FKBP8: variants seen among roughly 807,000 people sequenced by gnomAD.
FKBP8 encodes the protein peptidyl-prolyl cis-trans isomerase FKBP8.
FKBP8 carries 5 observed loss-of-function variants against 41.7 expected under a neutral mutation model. That is an observed-to-expected ratio of 0.12 (90% CI 0.06 to 0.25). The LOEUF is 0.25. Ranked by LOEUF, FKBP8 falls within the 10% of genes least tolerant of loss-of-function variation. The pLI is 1.00. For missense variants in FKBP8, 397 were observed against 563.0 expected, an observed-to-expected ratio of 0.71 and a Z score of 2.98; for synonymous variants, 279 against 254.5, an observed-to-expected ratio of 1.10 and a Z score of -0.92.
chr19:18,532,282 G>T, intron 8 of FKBP8, 27 bp from the exon 9 acceptor site: 1 of 1,578,422 alleles, frequency 6.3e-7, no homozygotes, highest in Non-Finnish European at 8.6e-7. Context: ...GGGGAGAGAA[G>T]GGTGGAGGGA....
rs1468829078 is a variant in FKBP8 at position 18,532,264 on chromosome 19, A to C, written c.1156-9T>G. ...CACTTCCATGGGATGGACTGTGGAT[A>C]AAAAGGAGGGGAGAGAAGGGTGGAG... On this transcript the variant is annotated splice_polypyrimidine_tract_variant and intron_variant, in intron 8 of 8. Coordinates refer to ENST00000608443, the MANE Select transcript of FKBP8 (RefSeq NM_012181.5). 2 of 1,597,790 alleles carry C rather than the reference A, an allele frequency of 1.3e-6. No homozygotes were observed. The highest frequency in any genetic ancestry group is 2.7e-5 in the African/African-American group (2 of 74,744).
intron 2 of FKBP8, among the ~76,000 whole-genome samples, chr19:18,540,994 T>C (rs909244924): frequency 3.9e-5 from 6 of 152,212 alleles, no homozygotes; most frequent in African/African-American, 1.2e-4. Context: ...TTACAATTGA[T>C]AGTGGTAATG....
Position 18,532,002 on chromosome 19 carries a change from G to A in FKBP8, c.*167C>T. On this transcript the variant is annotated 3_prime_UTR_variant, in exon 9 of 9. Transcript: ENST00000608443. ...CTCCCTCTGGGCTTTCCTCCTAGAG[G>A]GCCTCAGTCCCTCCTGCTGGCTGGG... is the stretch of plus-strand genomic sequence containing the variant. 1.6e-6 allele frequency: 1 copy of A among 632,394 alleles called. No homozygotes were observed. Among genetic ancestry groups the A allele is most frequent in the African/African-American group, 1.8e-5 (1 of 54,498 alleles). 39.2% of individuals were successfully genotyped at this position (632,394 alleles called of 1,614,324 possible).
rs1203105520 is a variant in FKBP8, at chr19:18,537,399, T to TC, written c.945+201dup. ...GGGCCAAAGGTTGGGGACCCAAGAC[T>TC]CGAGGATCAAATTCTGGCCTCAGCC... On this transcript the variant is annotated intron_variant, in intron 6 of 8. Transcript: ENST00000608443. This position sits in a 1 kb window ranked among gnomAD's most constrained non-coding sequence, Gnocchi z 4.4. 6.6e-6 allele frequency among the ~76,000 whole-genome samples: 1 copy of TC among 152,110 alleles called. No homozygotes were observed. The highest frequency in any genetic ancestry group is 1.5e-5 in the Non-Finnish European group (1 of 68,000).
Position 18,537,820 on chromosome 19 carries a change from G to A in FKBP8, c.773-47C>T. The stretch of plus-strand genomic sequence containing the variant: ...CACGGCAGCCGTCACCATGCCACCA[G>A]ACACCCCGGCACCCACCCCTCTGCG... On this transcript the variant is annotated intron_variant, in intron 5 of 8. Transcript: ENST00000608443. This position sits in a 1 kb window ranked among gnomAD's most constrained non-coding sequence, Gnocchi z 4.4. 6.4e-7 allele frequency: 1 copy of A among 1,566,840 alleles called. No individual in the cohort carries two copies. The highest frequency in any genetic ancestry group is 8.7e-7 in the Non-Finnish European group (1 of 1,151,128).
At chr19:18,542,863 G>T (rs1568412576) in intron 1 of FKBP8, 1 of 1,270,192 alleles carries the variant, frequency 7.9e-7, no homozygotes, top group Non-Finnish European at 1.0e-6. Context: ...AAACCAGCCC[G>T]CCGCATCCCC....
chr19:18,533,247 C>T, intron 7 of FKBP8, 23 bp downstream of exon 7: 1 of 1,546,928 alleles, frequency 6.5e-7, no homozygotes, highest in Non-Finnish European at 8.8e-7. Context: ...GAGCAAGTCC[C>T]AGGGCACCCC....
rs746623839 is a variant in FKBP8, at chr19:18,541,926, G to A, written c.45C>T (p.Pro15=). ...AEPSEPSAPL[P]AGVPPLEDFE... ...AGTCCTCGAGCGGTGGGACCCCGGCGGGCAGTGGGGCAGAGGGCTCAGAGG... is the reference window on the plus strand; with the variant it reads ...AGTCCTCGAGCGGTGGGACCCCGGCAGGCAGTGGGGCAGAGGGCTCAGAGG... Residue 15 remains proline, a synonymous_variant, in exon 2 of 9, where the codon CCC becomes CCT. Coordinates refer to ENST00000608443, the MANE Select transcript of FKBP8 (RefSeq NM_012181.5). 4.2e-5 allele frequency: 68 copies of A among 1,613,890 alleles called. No individual in the cohort carries two copies. The highest frequency in any genetic ancestry group is 5.5e-5 in the South Asian group (5 of 91,082).
At chr19:18,539,098 G>A (rs1021389216) in intron 4 of FKBP8, among the ~76,000 whole-genome samples, 2 of 152,060 alleles carry the variant, frequency 1.3e-5, no homozygotes, top group Admixed American at 6.6e-5. Context: ...ACAGGCGTAA[G>A]CCACCACGCC....
In FKBP8 at chr19:18,533,310, G is replaced by C; in HGVS notation, c.983C>G (p.Pro328Arg). 1.2e-6 allele frequency: 2 copies of C among 1,605,900 alleles called. No homozygotes were observed. The highest frequency in any genetic ancestry group is 1.7e-6 in the Non-Finnish European group (2 of 1,176,408). The stretch of plus-strand genomic sequence containing the variant: ...CAGCTTCAGGGCTGCCCTCAGGATG[G>C]GGATGGCCTCACTGTACTCCCCCTG... Reference protein sequence around the residue: ...AQQGEYSEAIPILRAALKLEP... With the variant: ...AQQGEYSEAIRILRAALKLEP... The change falls in exon 7 of 9, where the codon CCC becomes CGC. Residue 328 changes from proline (P) to arginine (R), a missense_variant. Pro to Arg is a moderately radical substitution (Grantham distance 103). Around this residue, in one of 2 missense-constraint regions of FKBP8, gnomAD observed 225 missense variants for 366.8 expected, o/e 0.61. Coordinates refer to ENST00000608443, the MANE Select transcript of FKBP8 (RefSeq NM_012181.5).
intron 4 of FKBP8, among the ~76,000 whole-genome samples, chr19:18,539,120 C>T (rs956727790): frequency 3.3e-5 from 5 of 152,062 alleles, no homozygotes; most frequent in Non-Finnish European, 7.4e-5. Flanking sequence ...GGCCCACACC[C>T]AGCTAATTTT....
Position 18,538,210 on chromosome 19 carries a change from G to A in FKBP8, c.772+6C>T, listed in dbSNP as rs202111375. On this transcript the variant is annotated splice_donor_region_variant and intron_variant, in intron 5 of 8. Coordinates refer to ENST00000608443, the MANE Select transcript of FKBP8 (RefSeq NM_012181.5). This position sits in a 1 kb window ranked among gnomAD's most constrained non-coding sequence, Gnocchi z 4.0. ...GAGATGGTGGAGATCTGACCCAGGCGGTCACCTTTGGCGCTGGAGGTGATA... is the reference window on the plus strand; with the variant it reads ...GAGATGGTGGAGATCTGACCCAGGCAGTCACCTTTGGCGCTGGAGGTGATA... The A allele has an allele frequency of 2.8e-4, 454 of 1,597,778 alleles. No homozygotes were observed. Among genetic ancestry groups the A allele is most frequent in the Non-Finnish European group, 3.6e-4 (415 of 1,168,374 alleles).
At position 18,541,851 on chromosome 19, in the gene FKBP8, C is replaced by T. The variant is rs185670325; in HGVS notation, c.120G>A (p.Glu40=). 7 of 1,613,532 alleles carry T rather than the reference C, an allele frequency of 4.3e-6. No individual in the cohort carries two copies. The Admixed American group carries it at 1.2e-4, about 27-fold the overall frequency. ...VEDAEGEEEE[E]EEEEEEDDLS... is the part of the protein sequence containing the mutation. ...GGTCATCCTCTTCCTCCTCTTCCTC[C>T]TCCTCTTCCTCCTCACCCTCTGCAT... Residue 40 remains glutamate, a synonymous_variant, in exon 2 of 9, where the codon GAG becomes GAA. Coordinates refer to ENST00000608443, the MANE Select transcript of FKBP8 (RefSeq NM_012181.5).
chr19:18,542,870 C>G (rs1413264460), intron 1 of FKBP8: 2 of 1,279,798 alleles, frequency 1.6e-6, no homozygotes, highest in Non-Finnish European at 1.0e-6. Context: ...CCCGCCGCAT[C>G]CCCTCCCTAA....
rs756031889 is a variant in FKBP8 at position 18,541,721 on chromosome 19, G to T, written c.250C>A (p.Pro84Thr). The T allele has an allele frequency of 6.2e-7, 1 of 1,613,268 alleles. No homozygotes were observed. The highest frequency in any genetic ancestry group is 8.5e-7 in the Non-Finnish European group (1 of 1,179,572). ...REFLAAMEPE[P>T]APAPAPEEWL... ...TCTTCTGGGGCCGGGGCTGGGGCGGGCTCGGGCTCCATGGCAGCAAGGAAC... is the reference window on the plus strand; with the variant it reads ...TCTTCTGGGGCCGGGGCTGGGGCGGTCTCGGGCTCCATGGCAGCAAGGAAC... Residue 84 changes from proline (P) to threonine (T), a missense_variant, in exon 2 of 9, where the codon CCC (proline) becomes ACC (threonine). Coordinates refer to ENST00000608443, the MANE Select transcript of FKBP8 (RefSeq NM_012181.5).
intron 2 of FKBP8, among the ~76,000 whole-genome samples, chr19:18,541,262 C>T (rs1976693353): frequency 2.0e-5 from 3 of 152,168 alleles, no homozygotes; most frequent in South Asian, 2.1e-4. Context: ...CACTTGACCC[C>T]AGAACACATT....
At chr19:18,532,955 C>T in intron 7 of FKBP8, 160 bp from the exon 8 acceptor site, 1 of 1,224,384 alleles carries the variant, frequency 8.2e-7, no homozygotes, top group African/African-American at 1.5e-5. Context: ...GCTGCTGACC[C>T]CATCCCTCCT....
chr19:18,540,577 T>C (rs1170085078), intron 2 of FKBP8, among the ~76,000 whole-genome samples: 4 of 151,668 alleles, frequency 2.6e-5, no homozygotes, highest in Admixed American at 2.6e-4. Context: ...CCACTAAAAA[T>C]ACAAAAATTA....
At chr19:18,542,296 G>T (rs973812735) in intron 1 of FKBP8, 10 of 309,610 alleles carry the variant, frequency 3.2e-5, no homozygotes, top group African/African-American at 1.9e-4. Flanking sequence ...TGCAGAACAG[G>T]AAACAGGCCA....
Sources: gnomAD v4.1 joint callset for allele counts (sites outside exome capture counted in the v4.1 genomes callset) on GRCh38, gnomAD v4.1.1 for gene constraint, gnomAD v4.1.1 regional missense constraint, Gnocchi (gnomAD v3.1) non-coding constraint, MANE v1.5 for transcripts, NCBI Gene and HGNC (gene_info 2026-07-23, HGNC 2026-07-21) for gene names.